C11orf65: variants seen among roughly 807,000 people sequenced by gnomAD.
The protein encoded by C11orf65 is chromosome 11 open reading frame 65.
C11orf65 carries 38 observed loss-of-function variants against 35.3 expected under a neutral mutation model. That is an observed-to-expected ratio of 1.08 (90% confidence interval 0.83 to 1.41). C11orf65 has a LOEUF of 1.41. C11orf65 is among the 40% of genes most tolerant of loss of function. The pLI is 0.00. For missense variants in C11orf65, 370 were observed against 367.1 expected, an observed-to-expected ratio of 1.01 and a Z score of -0.06; for synonymous variants, 105 against 114.4, an observed-to-expected ratio of 0.92 and a Z score of 0.53.
intron 3 of C11orf65, among the ~76,000 whole-genome samples, chr11:108,413,207 A>G (rs2092685116): frequency 6.6e-6 from 1 of 152,190 alleles, no homozygotes; most frequent in Admixed American, 6.5e-5. Context: ...TATTTGTACA[A>G]ATTTGTGCAG....
At chr11:108,334,049 TA>T in intron 3 of C11orf65, 1 of 1,132,174 alleles carries the variant, frequency 8.8e-7, no homozygotes. Flanking sequence ...TATTTTTATG[TA>T]GGTCAAAATT....
intron 6 of C11orf65, chr11:108,321,447 C>A (rs1370155494): frequency 6.2e-7 from 1 of 1,613,684 alleles, no homozygotes; most frequent in Non-Finnish European, 8.5e-7. Context: ...ACTTTGTTAT[C>A]CTAAAGTGCA....
intron 3 of C11orf65, among the ~76,000 whole-genome samples, chr11:108,418,193 T>C (rs1409129670): frequency 1.3e-5 from 2 of 152,308 alleles, no homozygotes; most frequent in African/African-American, 2.4e-5. Flanking sequence ...ACTGATAGTA[T>C]AACTAGACAA....
intron 2 of C11orf65, among the ~76,000 whole-genome samples, chr11:108,362,990 C>CA (rs895050205): frequency 7.3e-5 from 11 of 151,444 alleles, no homozygotes; most frequent in South Asian, 2.1e-4. Flanking sequence ...AACAAACAAA[C>CA]AAAAAAAACA....
Position 108,362,229 on chromosome 11 carries a change from C to T in C11orf65, c.227-26937G>A, listed in dbSNP as rs1297852459. Among the ~76,000 whole-genome samples, 362 of 147,832 alleles carry T rather than the reference C, an allele frequency of 2.4e-3. 2 individuals carry two copies. The highest frequency in any genetic ancestry group is 8.7e-3 in the African/African-American group (350 of 40,428). Reference sequence around the variant, plus strand: ...ATCATCACTGGCCATCAGAGAAATGCAAATCAAAACCACAATGAGATACCA... The same window carrying T: ...ATCATCACTGGCCATCAGAGAAATGTAAATCAAAACCACAATGAGATACCA... On this transcript the variant is annotated intron_variant, in intron 2 of 3. Transcript: ENST00000524755.
rs564539084 is a variant in C11orf65 at position 108,396,100 on chromosome 11, G to A, written c.561-2722C>T. 3.3e-5 allele frequency among the ~76,000 whole-genome samples: 5 copies of A among 151,524 alleles called. No individual in the cohort carries two copies. The South Asian group carries it at 8.3e-4, about 25-fold the overall frequency. On this transcript the variant is annotated intron_variant, in intron 6 of 8. Coordinates refer to ENST00000393084, the MANE Select transcript of C11orf65 (RefSeq NM_152587.5). ...ATTTTGACTTCATCAGATTTTAAACGGATAATGATCCATGAGAGCAAATGC... is the reference window on the plus strand; with the variant it reads ...ATTTTGACTTCATCAGATTTTAAACAGATAATGATCCATGAGAGCAAATGC...
At chr11:108,418,133 T>C (rs973086619) in intron 3 of C11orf65, among the ~76,000 whole-genome samples, 5 of 152,124 alleles carry the variant, frequency 3.3e-5, no homozygotes, top group East Asian at 1.9e-4. Flanking sequence ...ACCAGAAAAA[T>C]AGACAAATCT....
At chr11:108,401,112 G>GA (rs35060879) in intron 6 of C11orf65, among the ~76,000 whole-genome samples, 16,058 of 142,528 alleles carry the variant, frequency 0.11, 957 homozygotes, top group East Asian at 0.21. Context: ...CCGTCTCAAA[G>GA]AAAAAAAAAA....
chr11:108,352,134 G>C (rs1364350826), intron 2 of C11orf65, among the ~76,000 whole-genome samples: 1 of 152,178 alleles, frequency 6.6e-6, no homozygotes. Flanking sequence ...GGCATACCTG[G>C]AACCAGGAAA....
intron 6 of C11orf65, chr11:108,321,473 A>G (rs1591108267): frequency 5.6e-6 from 9 of 1,612,316 alleles, no homozygotes; most frequent in East Asian, 4.5e-5. Flanking sequence ...TCTGTTACCA[A>G]TAGTGACTTT....
chr11:108,396,156 G>A (rs989337813), intron 6 of C11orf65, among the ~76,000 whole-genome samples: 1 of 152,022 alleles, frequency 6.6e-6, no homozygotes, highest in African/African-American at 2.4e-5. Context: ...GCAGTGGCAC[G>A]ATCTTGGCTC....
intron 3 of C11orf65, among the ~76,000 whole-genome samples, chr11:108,410,391 A>G (rs1352052262): frequency 6.6e-6 from 1 of 152,174 alleles, no homozygotes; most frequent in Non-Finnish European, 1.5e-5. Flanking sequence ...CAATGAACCA[A>G]CTGGCTTTTA....
At chr11:108,384,427 G>A (rs117348266) in intron 8 of C11orf65, among the ~76,000 whole-genome samples, 14 of 152,208 alleles carry the variant, frequency 9.2e-5, no homozygotes, top group African/African-American at 2.2e-4. Context: ...AGGTACTACC[G>A]TTATTCTTCT....
rs989325299 is a variant in C11orf65 at position 108,357,366 on chromosome 11, G to A, written c.227-22074C>T. On this transcript the variant is annotated intron_variant, in intron 2 of 3. Transcript: ENST00000524755. ...ACTGCAAGGTGGCAGCGAGGCTGGG[G>A]GAGGGGCGCCCGCCATTGCCCAGGC... 2.1e-3 allele frequency among the ~76,000 whole-genome samples: 316 copies of A among 152,344 alleles called. 1 individual carries two copies. The highest frequency in any genetic ancestry group is 7.1e-3 in the African/African-American group (294 of 41,586).
downstream of C11orf65, chr11:108,331,254 T>C (rs1274904829): frequency 1.5e-6 from 2 of 1,310,410 alleles, no homozygotes; most frequent in Non-Finnish European, 1.9e-6. Flanking sequence ...TACCAATGCA[T>C]TAATCTAGAG....
At chr11:108,340,600 C>A (rs2087434129) in intron 2 of C11orf65, among the ~76,000 whole-genome samples, 2 of 152,300 alleles carry the variant, frequency 1.3e-5, no homozygotes, top group East Asian at 3.9e-4. Context: ...TCTGTAGATA[C>A]TAGAGTTTAA....
intron 3 of C11orf65, among the ~76,000 whole-genome samples, chr11:108,415,413 C>T (rs750543989): frequency 2.0e-5 from 3 of 151,824 alleles, no homozygotes; most frequent in Non-Finnish European, 4.4e-5. Flanking sequence ...ATATAAAAAT[C>T]GATATGAGGG....
chr11:108,439,830 AT>A (rs2093122052), intron 2 of C11orf65, among the ~76,000 whole-genome samples: 1 of 152,220 alleles, frequency 6.6e-6, no homozygotes, highest in Non-Finnish European at 1.5e-5. Flanking sequence ...TTTTTGTTTA[AT>A]GGGTACATGA....
Position 108,321,284 on chromosome 11 carries a change from T to G in C11orf65, c.641-12213A>C, listed in dbSNP as rs1057522251. 9 of 1,613,906 alleles carry G rather than the reference T, an allele frequency of 5.6e-6. No individual in the cohort carries two copies. The Admixed American group carries it at 8.3e-5, about 15-fold the overall frequency. On this transcript the variant is annotated intron_variant, in intron 6 of 6. Coordinates refer to the C11orf65 transcript ENST00000525729. ...CTCTTCTTTATTTTCAGAGTGTCTT[T>G]TCTTTTTTGCTACTAGAGTAAAAGA...
Sources: allele counts gnomAD v4.1 joint callset (sites outside exome capture counted in the v4.1 genomes callset), GRCh38; gene constraint gnomAD v4.1.1; transcripts MANE v1.5; gene names NCBI Gene and HGNC (gene_info 2026-07-23, HGNC 2026-07-21).